The following PTPN4 variants were observed in gnomAD, a reference collection of about 807,000 sequenced individuals.
PTPN4 encodes protein tyrosine phosphatase non-receptor type 4, also known as tyrosine-protein phosphatase non-receptor type 4.
In PTPN4, 49 loss-of-function variants were observed where a neutral mutation model predicts 135.5. That is an observed-to-expected ratio of 0.36 (90% confidence interval 0.29 to 0.46). PTPN4 has a LOEUF of 0.46. Ranked by LOEUF, PTPN4 falls within the 20% of genes least tolerant of loss-of-function variation. The probability of loss-of-function intolerance (pLI) is 1.00; values close to 1 mark genes in which losing one functional copy is unlikely to be tolerated. For missense variants in PTPN4, 860 were observed against 1,101.0 expected, an observed-to-expected ratio of 0.78 and a Z score of 3.10; for synonymous variants, 333 against 369.9, an observed-to-expected ratio of 0.90 and a Z score of 1.14.
intron 18 of PTPN4, among the ~76,000 whole-genome samples, chr2:119,949,834 C>A (rs1391860178): frequency 6.6e-6 from 1 of 151,974 alleles, no homozygotes; most frequent in Non-Finnish European, 1.5e-5. Context: ...CAGAGCAAGA[C>A]CCTGTCTCAA....
chr2:119,809,519 C>T (rs1203118018), intron 1 of PTPN4, among the ~76,000 whole-genome samples: 1 of 151,914 alleles, frequency 6.6e-6, no homozygotes, highest in Non-Finnish European at 1.5e-5. Flanking sequence ...CCTGAGGCAG[C>T]ATAATCTTCC....
rs149359836 is a variant in PTPN4 at position 119,934,434 on chromosome 2, A to G, written c.1197-366A>G. Among the ~76,000 whole-genome samples, 6 of 152,348 alleles carry G rather than the reference A, an allele frequency of 3.9e-5. No individual in the cohort carries two copies. In the East Asian group the frequency reaches 1.2e-3, roughly 29 times the overall value. On this transcript the variant is annotated intron_variant, in intron 14 of 26. Transcript: ENST00000263708. ...GAAAGTCCCATAAATAAAAACATTT[A>G]TAACAATTAAAAAATAATTCAGACT...
At chr2:119,823,718 T>C (rs1444058678) in intron 2 of PTPN4, among the ~76,000 whole-genome samples, 1 of 152,212 alleles carries the variant, frequency 6.6e-6, no homozygotes. Flanking sequence ...CTTCGAAATA[T>C]TTCTTACTGA....
intron 3 of PTPN4, among the ~76,000 whole-genome samples, chr2:119,873,258 A>G (rs1677940090): frequency 6.6e-6 from 1 of 151,940 alleles, no homozygotes; most frequent in Non-Finnish European, 1.5e-5. Context: ...AGATACAGAT[A>G]TGCAAATAGA....
intron 3 of PTPN4, among the ~76,000 whole-genome samples, chr2:119,875,225 G>A (rs1677967626): frequency 6.6e-6 from 1 of 152,132 alleles, no homozygotes; most frequent in African/African-American, 2.4e-5. Context: ...AGTAGTGCTT[G>A]TTATAGCACT....
chr2:119,871,695 G>A (rs989252708), intron 3 of PTPN4, among the ~76,000 whole-genome samples: 2 of 151,934 alleles, frequency 1.3e-5, no homozygotes, highest in South Asian at 2.1e-4. Flanking sequence ...TGCTCTGTAT[G>A]TGTGTGAGAA....
At chr2:119,911,551 T>C (rs1678571763) in intron 10 of PTPN4, among the ~76,000 whole-genome samples, 1 of 152,142 alleles carries the variant, frequency 6.6e-6, no homozygotes. Flanking sequence ...TTATACAAAA[T>C]GGTGAAAGTC....
intron 2 of PTPN4, among the ~76,000 whole-genome samples, chr2:119,842,357 A>G (rs1352859028): frequency 1.3e-5 from 2 of 152,234 alleles, no homozygotes; most frequent in East Asian, 3.8e-4. Flanking sequence ...AGGGTTCAAG[A>G]CTAAGAAAGA....
At chr2:119,877,893 GT>G (rs34064745) in intron 5 of PTPN4, among the ~76,000 whole-genome samples, 47,608 of 149,230 alleles carry the variant, frequency 0.32, 7,923 homozygotes, top group African/African-American at 0.44. Context: ...AGAAATTTGG[GT>G]TTTTTTTTTC....
chr2:119,877,627 C>CACCACAGTAATTTCTTT, intron 5 of PTPN4, 85 bp downstream of exon 5: 1 of 1,465,164 alleles, frequency 6.8e-7, no homozygotes, highest in Non-Finnish European at 9.1e-7. Context: ...AAAGAAATTA[C>CACCACAGTAATTTCTTT]TGTGGTGTAA....
At chr2:119,847,097 G>A (rs912168570) in intron 2 of PTPN4, among the ~76,000 whole-genome samples, 7 of 149,174 alleles carry the variant, frequency 4.7e-5, no homozygotes, top group Non-Finnish European at 7.4e-5. Flanking sequence ...ATAGATTCAC[G>A]TTACCATCTG....
chr2:119,766,449 C>CGT lies in PTPN4; in HGVS notation c.-18+6098_-18+6099dup, dbSNP rs745803520. Reference sequence around the variant, plus strand: ...TCACTGGTGTATGCGCATGTGCGCGCGTGTGTGTGTGTGTGTGTGTGTGTG... The same window carrying CGT: ...TCACTGGTGTATGCGCATGTGCGCGCGTGTGTGTGTGTGTGTGTGTGTGTGTG... On this transcript the variant is annotated intron_variant, in intron 1 of 26. Transcript: ENST00000263708. 4.0e-3 allele frequency among the ~76,000 whole-genome samples: 530 copies of CGT among 131,056 alleles called. 7 individuals carry two copies. Among genetic ancestry groups the CGT allele is most frequent in the African/African-American group, 0.016 (506 of 31,684 alleles). The allele number at this position is 131,056 out of a possible 152,430, so 86.0% of individuals were successfully genotyped here.
chr2:119,903,376 G>A (rs1180170747), intron 10 of PTPN4, among the ~76,000 whole-genome samples: 1 of 151,978 alleles, frequency 6.6e-6, no homozygotes. Flanking sequence ...CTGAACAGAG[G>A]ACCATCCCAG....
intron 25 of PTPN4, 133 bp from the exon 26 acceptor site, chr2:119,967,704 C>A: frequency 1.4e-6 from 1 of 718,828 alleles, no homozygotes; most frequent in Non-Finnish European, 2.0e-6. Flanking sequence ...CTGTATTTGG[C>A]TTACTACTTT....
chr2:119,973,652 C>CTTTTTT (rs1553481271), intron 26 of PTPN4, among the ~76,000 whole-genome samples: 12 of 18,086 alleles, frequency 6.6e-4, no homozygotes, highest in South Asian at 1.4e-3. Context: ...TCCTTCATTT[C>CTTTTTT]TTGTTTTTTT....
At position 119,800,449 on chromosome 2, in the gene PTPN4, T is replaced by A. The variant is rs542123112; in HGVS notation, c.-17-9388T>A. Among the ~76,000 whole-genome samples the A allele has an allele frequency of 3.9e-5, 6 of 152,126 alleles. No individual in the cohort carries two copies. In the South Asian group the frequency reaches 1.2e-3, roughly 32 times the overall value. On this transcript the variant is annotated intron_variant, in intron 1 of 26. Transcript: ENST00000263708. ...TCTAATGGGATTATTTGATTTTTTT[T>A]TTTTTTTACTGTTGAGTTCTGAGAG...
At chr2:119,924,132 G>A (rs1193598623) in intron 12 of PTPN4, among the ~76,000 whole-genome samples, 5 of 107,590 alleles carry the variant, frequency 4.6e-5, no homozygotes, top group Non-Finnish European at 5.3e-5. Flanking sequence ...GTGAGACTCC[G>A]TCTCAAAAAA....
At chr2:119,801,785 G>A (rs1289926858) in intron 1 of PTPN4, among the ~76,000 whole-genome samples, 1 of 151,816 alleles carries the variant, frequency 6.6e-6, no homozygotes, top group East Asian at 1.9e-4. Flanking sequence ...AGTTCTAGGA[G>A]TGCTTTTGTA....
chr2:119,915,328 A>C (rs1678636231), intron 11 of PTPN4, 86 bp downstream of exon 11: 1 of 1,114,898 alleles, frequency 9.0e-7, no homozygotes, highest in East Asian at 2.9e-5. Context: ...TTATTAGTAC[A>C]AGTGAAAGTG....
Sources: allele counts gnomAD v4.1 joint callset (sites outside exome capture counted in the v4.1 genomes callset), GRCh38; gene constraint gnomAD v4.1.1; transcripts MANE v1.5; gene names NCBI Gene and HGNC (gene_info 2026-07-23, HGNC 2026-07-21).